The following RBFOX3 variants were observed in gnomAD, a reference collection of about 807,000 sequenced individuals.
The protein encoded by RBFOX3 is RNA binding fox-1 homolog 3.
In RBFOX3, 17 loss-of-function variants were observed where a neutral mutation model predicts 48.7. The ratio of observed to expected loss-of-function variants is 0.35; its 90% CI spans 0.24 to 0.52. The LOEUF (loss-of-function observed/expected upper bound fraction) is 0.52, where lower values mean the gene tolerates loss of function less well. RBFOX3 is among the 20% of genes least tolerant of loss of function. The probability of loss-of-function intolerance (pLI) is 0.94; values close to 1 mark genes in which losing one functional copy is unlikely to be tolerated. For missense variants in RBFOX3, 382 were observed against 497.5 expected, an observed-to-expected ratio of 0.77 and a Z score of 2.21; for synonymous variants, 212 against 209.5, an observed-to-expected ratio of 1.01 and a Z score of -0.10.
chr17:79,427,515 G>A (rs1395409120), intron 2 of RBFOX3, among the ~76,000 whole-genome samples: 1 of 152,238 alleles, frequency 6.6e-6, no homozygotes, highest in Non-Finnish European at 1.5e-5. Context: ...AGCTCAGCCA[G>A]TGATTTTGCC....
At chr17:79,395,434 G>A (rs750105104) in intron 2 of RBFOX3, among the ~76,000 whole-genome samples, 3 of 152,332 alleles carry the variant, frequency 2.0e-5, no homozygotes, top group South Asian at 4.1e-4. Context: ...TCACATCTGT[G>A]AGCCACACAC....
chr17:79,342,080 G>A (rs1042523846), intron 2 of RBFOX3, among the ~76,000 whole-genome samples: 2 of 152,352 alleles, frequency 1.3e-5, no homozygotes, highest in African/African-American at 4.8e-5. Flanking sequence ...CATTAGAGGC[G>A]ATAAAAGCCA....
chr17:79,646,550 A>G, the RBFOX3 span, among the ~76,000 whole-genome samples: 1 of 152,176 alleles, frequency 6.6e-6, no homozygotes, highest in East Asian at 1.9e-4. Flanking sequence ...TTATAAAACC[A>G]TCAGCTGTTG....
chr17:79,368,554 C>G (rs1471833990), intron 2 of RBFOX3, among the ~76,000 whole-genome samples: 1 of 152,248 alleles, frequency 6.6e-6, no homozygotes, highest in Non-Finnish European at 1.5e-5. Flanking sequence ...CTCTGCAGGA[C>G]AATTGAGAAG....
chr17:79,294,237 C>G (rs1310638258), intron 3 of RBFOX3, among the ~76,000 whole-genome samples: 1 of 152,190 alleles, frequency 6.6e-6, no homozygotes, highest in East Asian at 1.9e-4. Context: ...AGAGCAAGTT[C>G]GTCAGATTAG....
intron 1 of RBFOX3, among the ~76,000 whole-genome samples, chr17:79,529,491 GGCTA>G (rs1168639689): frequency 4.6e-5 from 7 of 152,322 alleles, no homozygotes; most frequent in African/African-American, 1.2e-4. Flanking sequence ...GCAAAGAAGC[GGCTA>G]GCTAAAGTGG....
chr17:79,224,829 T>G (rs1188896412), intron 4 of RBFOX3, among the ~76,000 whole-genome samples: 2 of 152,226 alleles, frequency 1.3e-5, no homozygotes, highest in African/African-American at 4.8e-5. Flanking sequence ...CAACTGGTGT[T>G]TTTGGAACTC....
chr17:79,411,202 T>C (rs371043662), intron 2 of RBFOX3, among the ~76,000 whole-genome samples: 69 of 152,282 alleles, frequency 4.5e-4, no homozygotes, highest in African/African-American at 1.7e-3. Flanking sequence ...TGTGTGCTGC[T>C]TGCCTGCGCC....
intron 4 of RBFOX3, among the ~76,000 whole-genome samples, chr17:79,117,299 G>A (rs151274197): frequency 2.2e-4 from 34 of 152,344 alleles, no homozygotes; most frequent in Non-Finnish European, 4.6e-4. Context: ...CACCCTGGCA[G>A]GGACAGGCAG....
chr17:79,638,553 C>A, the RBFOX3 span, among the ~76,000 whole-genome samples: 140 of 152,234 alleles, frequency 9.2e-4, 3 homozygotes, highest in South Asian at 0.028. Context: ...AATAGAAAGC[C>A]TAAACATCCT....
intron 3 of RBFOX3, among the ~76,000 whole-genome samples, chr17:79,276,460 C>T (rs565062726): frequency 9.9e-5 from 15 of 152,196 alleles, no homozygotes; most frequent in East Asian, 1.9e-4. Context: ...CTGAGGCGGG[C>T]GGATCACCTG....
chr17:79,571,783 C>T (rs1240268886), intron 1 of RBFOX3, among the ~76,000 whole-genome samples: 1 of 152,098 alleles, frequency 6.6e-6, no homozygotes, highest in Non-Finnish European at 1.5e-5. Context: ...CCTCTTCCTG[C>T]TCCTTGAGTA....
At chr17:79,295,195 C>T (rs2074130773) in intron 3 of RBFOX3, among the ~76,000 whole-genome samples, 1 of 152,188 alleles carries the variant, frequency 6.6e-6, no homozygotes, top group South Asian at 2.1e-4. Context: ...ATAAGCCACG[C>T]AGCACGCAGA....
At chr17:79,650,966 C>A in the RBFOX3 span, among the ~76,000 whole-genome samples, 1 of 152,204 alleles carries the variant, frequency 6.6e-6, no homozygotes, top group Non-Finnish European at 1.5e-5. Flanking sequence ...AAGAGCCCTG[C>A]ACCCGGGACT....
At chr17:79,648,608 T>C in the RBFOX3 span, among the ~76,000 whole-genome samples, 1 of 152,204 alleles carries the variant, frequency 6.6e-6, no homozygotes, top group Non-Finnish European at 1.5e-5. Context: ...CCTGGCCACC[T>C]CTGCCTCGTT....
Position 79,112,906 on chromosome 17 carries a change from G to GC in RBFOX3, c.222+2587_222+2588insG, listed in dbSNP as rs1555693102. 8.8e-4 allele frequency among the ~76,000 whole-genome samples: 98 copies of GC among 110,992 alleles called. 5 individuals are homozygous for GC. The highest frequency in any genetic ancestry group is 2.4e-3 in the African/African-American group (65 of 27,034). 72.8% of individuals were successfully genotyped at this position (110,992 alleles called of 152,430 possible). The stretch of plus-strand genomic sequence containing the variant: ...TGCCAACCTGGGCAGCAGGCTCTCG[G>GC]GGGGGGGGTGGGCTGGGTAGGACTT... On this transcript the variant is annotated intron_variant, in intron 5 of 14. Coordinates refer to ENST00000693108, the MANE Select transcript of RBFOX3 (RefSeq NM_001350451.2).
chr17:79,651,928 C>A, the RBFOX3 span, among the ~76,000 whole-genome samples: 1 of 145,086 alleles, frequency 6.9e-6, no homozygotes, highest in Non-Finnish European at 1.5e-5. Context: ...GAGAGGCTCA[C>A]GTGCCGAGGA....
intron 2 of RBFOX3, among the ~76,000 whole-genome samples, chr17:79,465,148 G>A (rs528263391): frequency 2.0e-5 from 3 of 152,148 alleles, no homozygotes; most frequent in East Asian, 1.9e-4. Flanking sequence ...TCAGACCCTC[G>A]AGCCGATGAA....
chr17:79,256,386 C>T (rs548437959), intron 3 of RBFOX3, among the ~76,000 whole-genome samples: 4 of 152,276 alleles, frequency 2.6e-5, no homozygotes, highest in East Asian at 3.9e-4. Context: ...CCACCGGCTC[C>T]GGGAGCTGAA....
Sources: allele counts gnomAD v4.1 joint callset (sites outside exome capture counted in the v4.1 genomes callset), GRCh38; gene constraint gnomAD v4.1.1; transcripts MANE v1.5; gene names NCBI Gene and HGNC (gene_info 2026-07-23, HGNC 2026-07-21).